ABTB3: variants seen among roughly 807,000 people sequenced by gnomAD.
ABTB3 encodes ankyrin repeat- and BTB/POZ domain-containing protein 3.
At chr12:107,508,656 G>A in the ABTB3 span, among the ~76,000 whole-genome samples, 1 of 151,750 alleles carries the variant, frequency 6.6e-6, no homozygotes, top group East Asian at 1.9e-4. Context: ...GAGTTTAGTA[G>A]CCAGGATGGT....
the ABTB3 span, among the ~76,000 whole-genome samples, chr12:107,381,513 C>T: frequency 3.3e-5 from 5 of 152,144 alleles, no homozygotes; most frequent in Non-Finnish European, 7.3e-5. Flanking sequence ...AGGAGAGCTC[C>T]GGGTAGGAAC....
At chr12:107,503,165 G>A in the ABTB3 span, among the ~76,000 whole-genome samples, 1 of 152,154 alleles carries the variant, frequency 6.6e-6, no homozygotes, top group Non-Finnish European at 1.5e-5. Context: ...GAGAATCCAG[G>A]TTTAGGATTA....
the ABTB3 span, chr12:107,617,076 T>G: frequency 6.2e-7 from 1 of 1,613,656 alleles, no homozygotes; most frequent in African/African-American, 1.3e-5. Context: ...CAATGGCCGC[T>G]CTTCCTCTGC....
At chr12:107,326,908 A>G in the ABTB3 span, among the ~76,000 whole-genome samples, 5 of 152,150 alleles carry the variant, frequency 3.3e-5, no homozygotes, top group Admixed American at 6.5e-5. Flanking sequence ...AAGTTCCTGG[A>G]TTAGGTCCTG....
the ABTB3 span, among the ~76,000 whole-genome samples, chr12:107,597,104 C>T: frequency 0.05 from 7,585 of 152,252 alleles, 614 homozygotes; most frequent in African/African-American, 0.17. Flanking sequence ...ATAAATGCAT[C>T]ACCAGACTCA....
At chr12:107,544,324 G>A in the ABTB3 span, among the ~76,000 whole-genome samples, 1 of 152,166 alleles carries the variant, frequency 6.6e-6, no homozygotes, top group African/African-American at 2.4e-5. Context: ...CCTTGAAATG[G>A]GTTTTTATAG....
At chr12:107,319,637 G>T in the ABTB3 span, 1 of 1,536,936 alleles carries the variant, frequency 6.5e-7, no homozygotes, top group Non-Finnish European at 8.7e-7. Context: ...CCACGAGCAC[G>T]CCGCCATCTA....
At chr12:107,347,568 C>T in the ABTB3 span, among the ~76,000 whole-genome samples, 4 of 152,254 alleles carry the variant, frequency 2.6e-5, no homozygotes, top group South Asian at 8.3e-4. Context: ...TAAGGTCTCT[C>T]CACAGGGCCT....
At chr12:107,592,533 G>A in the ABTB3 span, among the ~76,000 whole-genome samples, 1 of 152,142 alleles carries the variant, frequency 6.6e-6, no homozygotes, top group African/African-American at 2.4e-5. Flanking sequence ...GTGTTCATTC[G>A]ATGGAAAACC....
chr12:107,546,757 C>T, the ABTB3 span, among the ~76,000 whole-genome samples: 1 of 152,006 alleles, frequency 6.6e-6, no homozygotes, highest in South Asian at 2.1e-4. Flanking sequence ...CTTAGCTACT[C>T]AGGATGCTGA....
the ABTB3 span, among the ~76,000 whole-genome samples, chr12:107,435,064 G>A: frequency 1.7e-4 from 26 of 152,298 alleles, no homozygotes; most frequent in East Asian, 5.0e-3. Flanking sequence ...AGCAGTTTAT[G>A]CTTAGCTGAG....
chr12:107,559,876 A>T, the ABTB3 span, among the ~76,000 whole-genome samples: 1 of 151,884 alleles, frequency 6.6e-6, no homozygotes, highest in African/African-American at 2.4e-5. Flanking sequence ...CTGAAAAGTT[A>T]TATATGCTTG....
the ABTB3 span, among the ~76,000 whole-genome samples, chr12:107,434,059 C>T: frequency 6.6e-6 from 1 of 152,216 alleles, no homozygotes; most frequent in Admixed American, 6.5e-5. Flanking sequence ...CTCACACCAT[C>T]ACATTGTGGG....
chr12:107,516,128 A>G, the ABTB3 span, among the ~76,000 whole-genome samples: 5 of 152,122 alleles, frequency 3.3e-5, no homozygotes, highest in African/African-American at 7.2e-5. Flanking sequence ...TTTGAAAAAA[A>G]CAAGATTGGA....
the ABTB3 span, among the ~76,000 whole-genome samples, chr12:107,324,407 T>C: frequency 6.6e-6 from 1 of 152,138 alleles, no homozygotes; most frequent in Admixed American, 6.5e-5. Context: ...GGCAGGAAGA[T>C]TGCTTGGGGC....
the ABTB3 span, among the ~76,000 whole-genome samples, chr12:107,377,075 G>A: frequency 1.3e-5 from 2 of 152,140 alleles, no homozygotes; most frequent in Non-Finnish European, 2.9e-5. Context: ...ACAGCTGAGG[G>A]GAGTGCTGCT....
the ABTB3 span, among the ~76,000 whole-genome samples, chr12:107,541,200 C>T: frequency 6.6e-6 from 1 of 152,174 alleles, no homozygotes; most frequent in African/African-American, 2.4e-5. Flanking sequence ...GAGTCCTAAG[C>T]CTTCGGAGGA....
the ABTB3 span, among the ~76,000 whole-genome samples, chr12:107,426,419 T>C: frequency 1.3e-5 from 2 of 152,162 alleles, no homozygotes; most frequent in African/African-American, 4.8e-5. Context: ...TGGATGGTTC[T>C]AGCCCGAGGC....
At chr12:107,408,401 G>A in the ABTB3 span, among the ~76,000 whole-genome samples, 3 of 152,152 alleles carry the variant, frequency 2.0e-5, no homozygotes, top group African/African-American at 7.2e-5. Flanking sequence ...GTCAGGAAAT[G>A]GTTTAAACAC....
Sources: gnomAD v4.1 joint callset for allele counts (sites outside exome capture counted in the v4.1 genomes callset) on GRCh38, gnomAD v4.1.1 for gene constraint, MANE v1.5 for transcripts, NCBI Gene and HGNC (gene_info 2026-07-23, HGNC 2026-07-21) for gene names.